The following FAM53A variants were observed in gnomAD, a reference collection of about 807,000 sequenced individuals.
FAM53A encodes protein FAM53A.
FAM53A carries 28 observed loss-of-function variants against 26.6 expected under a neutral mutation model. The observed-to-expected ratio is 1.05, with a 90% CI of 0.78 to 1.45. FAM53A has a LOEUF of 1.45. FAM53A is among the 40% of genes most tolerant of loss of function. FAM53A has a pLI of 0.00. For synonymous variants in FAM53A, 290 were observed against 253.1 expected (o/e 1.15, Z -1.38); for missense variants, 650 against 575.8 (o/e 1.13, Z -1.32).
chr4:1,655,229 C>A lies in FAM53A; in HGVS notation c.631G>T (p.Ala211Ser), dbSNP rs1381254949. The A allele has an allele frequency of 1.0e-5, 16 of 1,537,610 alleles. No homozygotes were observed. Among genetic ancestry groups the A allele is most frequent in the Non-Finnish European group, 1.4e-5 (16 of 1,152,524 alleles). Reference sequence around the variant, plus strand: ...CTCGTGGAGGGCAAGCAGGACTCCGCGGAACACCAGAGCGGGCCTGAGCCC... The same window carrying A: ...CTCGTGGAGGGCAAGCAGGACTCCGAGGAACACCAGAGCGGGCCTGAGCCC... ...SAGSGPLWCS[A>S]ESCLPSTRRR... The change falls in exon 4 of 5, where the codon GCG becomes TCG. Residue 211 changes from alanine to serine, a missense_variant. Coordinates refer to ENST00000308132, the MANE Select transcript of FAM53A (RefSeq NM_001174070.3).
chr4:1,585,048 A>G, the FAM53A span, among the ~76,000 whole-genome samples: 1 of 152,346 alleles, frequency 6.6e-6, no homozygotes, highest in East Asian at 1.9e-4. Context: ...ACATTGTGGA[A>G]TGGCTAAATT....
chr4:1,665,633 C>T (rs1714167460), intron 2 of FAM53A, among the ~76,000 whole-genome samples: 3 of 152,172 alleles, frequency 2.0e-5, no homozygotes, highest in Admixed American at 2.0e-4. Context: ...CAGCAACAGA[C>T]TCAACAGTGG....
At chr4:1,672,571 G>A (rs1179790799) in intron 1 of FAM53A, among the ~76,000 whole-genome samples, 3 of 152,082 alleles carry the variant, frequency 2.0e-5, no homozygotes, top group East Asian at 1.9e-4. Context: ...TGCTGGACCC[G>A]CAGAGAACGT....
chr4:1,630,723 A>C lies in FAM53A; in HGVS notation c.432-12612T>G, dbSNP rs914582655. Reference sequence around the variant, plus strand: ...ACGAAATGCCCAGCTCCACAGAGACAACAAGCGGAGGGGAGGCTGCCAGGG... The same window carrying C: ...ACGAAATGCCCAGCTCCACAGAGACCACAAGCGGAGGGGAGGCTGCCAGGG... On this transcript the variant is annotated intron_variant, in intron 1 of 1. Transcript: ENST00000489029. The surrounding 1 kb of genome is among the most constrained non-coding windows in gnomAD (Gnocchi z 4.3). 4.6e-5 allele frequency among the ~76,000 whole-genome samples: 7 copies of C among 152,170 alleles called. No individual in the cohort carries two copies. Among genetic ancestry groups the C allele is most frequent in the African/African-American group, 1.7e-4 (7 of 41,442 alleles).
the FAM53A span, among the ~76,000 whole-genome samples, chr4:1,595,569 G>A: frequency 3.5e-4 from 54 of 152,262 alleles, no homozygotes; most frequent in South Asian, 5.6e-3. Context: ...GGTATAAATC[G>A]TGGCACAGAC....
intron 1 of FAM53A, among the ~76,000 whole-genome samples, chr4:1,678,413 G>T (rs1204508226): frequency 2.0e-5 from 3 of 152,200 alleles, no homozygotes; most frequent in Non-Finnish European, 4.4e-5. Context: ...AGAACAGAGA[G>T]CCCAGATATA....
intron 1 of FAM53A, among the ~76,000 whole-genome samples, chr4:1,623,546 G>A (rs1029653273): frequency 5.9e-5 from 9 of 152,190 alleles, no homozygotes; most frequent in Admixed American, 2.0e-4. Flanking sequence ...CGCCTTCCCC[G>A]GCGGCCTGGC....
At chr4:1,685,096 CT>C (rs1293965821), upstream of FAM53A, among the ~76,000 whole-genome samples, 1 of 152,156 alleles carries the variant, frequency 6.6e-6, no homozygotes, top group Admixed American at 6.5e-5. Flanking sequence ...TGTGTCCTGG[CT>C]GAGATGAGCC....
At chr4:1,644,204 T>G (rs766106940) in intron 4 of FAM53A, 6 of 1,535,816 alleles carry the variant, frequency 3.9e-6, no homozygotes, top group Non-Finnish European at 5.2e-6. Context: ...GGGGCCAGGT[T>G]TCCTTCCATT....
intron 1 of FAM53A, among the ~76,000 whole-genome samples, chr4:1,673,870 C>A (rs1430900795): frequency 1.3e-5 from 2 of 152,276 alleles, no homozygotes; most frequent in Non-Finnish European, 2.9e-5. Context: ...AGGGACCACG[C>A]CTACTGCCAA....
chr4:1,651,903 G>A (rs1334726503), intron 4 of FAM53A, among the ~76,000 whole-genome samples: 1 of 151,852 alleles, frequency 6.6e-6, no homozygotes, highest in Non-Finnish European at 1.5e-5. Flanking sequence ...CCCACACAGC[G>A]GGGGTTTCTC....
Position 1,640,935 on chromosome 4 carries a change from T to G in FAM53A, c.*358A>C, listed in dbSNP as rs2108801751. ...ACCAGCTCACAGGAAACCTAGTCTG[T>G]GCCCCAGGGCAGTGCAGGCGGCAGC... is the stretch of plus-strand genomic sequence containing the variant. On this transcript the variant is annotated 3_prime_UTR_variant, in exon 5 of 5. Transcript: ENST00000308132. 1 of 429,122 alleles carries G rather than the reference T, an allele frequency of 2.3e-6. No individual in the cohort carries two copies. The highest frequency in any genetic ancestry group is 6.4e-5 in the East Asian group (1 of 15,730). 26.6% of individuals were successfully genotyped at this position (429,122 alleles called of 1,614,324 possible).
At chr4:1,623,744 T>TA (rs538489116) in intron 1 of FAM53A, among the ~76,000 whole-genome samples, 40 of 152,352 alleles carry the variant, frequency 2.6e-4, no homozygotes, top group African/African-American at 9.6e-4. Context: ...GATCGGACGT[T>TA]ACCATACATT....
At chr4:1,660,967 G>A (rs1015712869) in intron 2 of FAM53A, among the ~76,000 whole-genome samples, 4 of 151,958 alleles carry the variant, frequency 2.6e-5, no homozygotes, top group Non-Finnish European at 4.4e-5. Flanking sequence ...CAGGGCTGGA[G>A]GACACCACAG....
chr4:1,639,089 C>T (rs1715980162), downstream of FAM53A, among the ~76,000 whole-genome samples: 1 of 152,172 alleles, frequency 6.6e-6, no homozygotes, highest in African/African-American at 2.4e-5. Flanking sequence ...AGCAGAGGGC[C>T]CTGTGGGACC....
At chr4:1,652,794 C>T (rs553204595) in intron 4 of FAM53A, among the ~76,000 whole-genome samples, 1 of 148,938 alleles carries the variant, frequency 6.7e-6, no homozygotes, top group East Asian at 2.0e-4. Flanking sequence ...ACCAAACACA[C>T]CACACACGTC....
At chr4:1,653,738 C>T (rs1161515174) in intron 4 of FAM53A, among the ~76,000 whole-genome samples, 1 of 152,248 alleles carries the variant, frequency 6.6e-6, no homozygotes, top group Non-Finnish European at 1.5e-5. Context: ...AACTGGAGAG[C>T]CCACTGATCA....
the FAM53A span, among the ~76,000 whole-genome samples, chr4:1,582,723 C>T: frequency 3.3e-5 from 5 of 152,264 alleles, no homozygotes; most frequent in South Asian, 1.0e-3. Flanking sequence ...TGTGTGGTGG[C>T]GCACATCTGT....
intron 1 of FAM53A, among the ~76,000 whole-genome samples, chr4:1,679,796 C>T (rs956710839): frequency 6.7e-6 from 1 of 150,034 alleles, no homozygotes; most frequent in Non-Finnish European, 1.5e-5. Context: ...CGCCTATAAT[C>T]CCAGCACTTT....
Sources: allele counts gnomAD v4.1 joint callset (sites outside exome capture counted in the v4.1 genomes callset), GRCh38; gene constraint gnomAD v4.1.1; non-coding constraint Gnocchi (gnomAD v3.1); transcripts MANE v1.5; gene names NCBI Gene and HGNC (gene_info 2026-07-23, HGNC 2026-07-21).